ALK: variants seen among roughly 807,000 people sequenced by gnomAD.
ALK encodes the protein ALK receptor tyrosine kinase.
In ALK, 74 loss-of-function variants were observed where a neutral mutation model predicts 163.1. That is an observed-to-expected ratio of 0.45 (90% CI 0.38 to 0.55). The LOEUF (loss-of-function observed/expected upper bound fraction) is 0.55. Ranked by LOEUF, ALK falls within the 20% of genes least tolerant of loss-of-function variation. The pLI, the probability that ALK is intolerant of heterozygous loss-of-function variation, is 0.00. For missense variants in ALK, 2,063 were observed against 2,105.3 expected, an observed-to-expected ratio of 0.98 and a Z score of 0.39; for synonymous variants, 960 against 843.2, an observed-to-expected ratio of 1.14 and a Z score of -2.40.
chr2:29,418,569 T>C (rs1465239339), intron 4 of ALK, among the ~76,000 whole-genome samples: 1 of 152,198 alleles, frequency 6.6e-6, no homozygotes, highest in Non-Finnish European at 1.5e-5. Context: ...GGGTCTCCAA[T>C]GTCTATTATT....
At chr2:29,232,190 C>A in intron 15 of ALK, 114 bp downstream of exon 15, 1 of 1,430,624 alleles carries the variant, frequency 7.0e-7, no homozygotes, top group South Asian at 1.2e-5. Flanking sequence ...ATATTCAGAG[C>A]TCCTAGCATC....
At chr2:29,683,351 T>C (rs1678133444) in intron 3 of ALK, among the ~76,000 whole-genome samples, 1 of 151,932 alleles carries the variant, frequency 6.6e-6, no homozygotes, top group Non-Finnish European at 1.5e-5. Context: ...CACTCCAGCC[T>C]GGGCAACAGA....
chr2:29,744,592 G>A (rs763183148), intron 1 of ALK, among the ~76,000 whole-genome samples: 2 of 151,840 alleles, frequency 1.3e-5, no homozygotes, highest in Non-Finnish European at 2.9e-5. Context: ...GACTTTTCTG[G>A]GAAATTATTT....
intron 5 of ALK, among the ~76,000 whole-genome samples, chr2:29,332,290 A>AG: frequency 4.0e-5 from 4 of 100,874 alleles, no homozygotes; most frequent in Non-Finnish European, 5.8e-5. Flanking sequence ...CATCTCAAAA[A>AG]AAAAAAAAAA....
At chr2:29,468,551 G>C (rs1671267954) in intron 4 of ALK, among the ~76,000 whole-genome samples, 1 of 151,986 alleles carries the variant, frequency 6.6e-6, no homozygotes, top group African/African-American at 2.4e-5. Context: ...AAAGTTCATG[G>C]TTCAGAATGA....
intron 2 of ALK, among the ~76,000 whole-genome samples, chr2:29,701,613 G>A (rs951566207): frequency 2.6e-5 from 4 of 152,104 alleles, no homozygotes; most frequent in African/African-American, 9.7e-5. Flanking sequence ...CTTGTTCCTG[G>A]CAACGCATGC....
chr2:29,267,918 G>A lies in ALK; in HGVS notation c.2041+7181C>T, dbSNP rs1382629119. Among the ~76,000 whole-genome samples the A allele has an allele frequency of 2.6e-5, 4 of 152,288 alleles. No homozygotes were observed. In the East Asian group the frequency reaches 7.7e-4, roughly 29 times the overall value. ...CTTGCCCTGATGGAGGGGCCTTTGT[G>A]TTCTGTTAGTCTTCAAGCTAAATGA... On this transcript the variant is annotated intron_variant, in intron 11 of 28. Coordinates refer to ENST00000389048, the MANE Select transcript of ALK (RefSeq NM_004304.5).
chr2:29,221,664 C>G (rs1669807859), intron 22 of ALK, among the ~76,000 whole-genome samples: 1 of 152,210 alleles, frequency 6.6e-6, no homozygotes, highest in African/African-American at 2.4e-5. Context: ...CCATATCACT[C>G]ACACTGCCTG....
Position 29,318,292 on chromosome 2 carries a change from A to C in ALK, c.1647+12T>G, listed in dbSNP as rs367942010. The C allele has an allele frequency of 2.5e-6, 4 of 1,600,478 alleles. No homozygotes were observed. The African/African-American group carries it at 5.4e-5, about 21-fold the overall frequency. On this transcript the variant is annotated intron_variant, in intron 8 of 28. Transcript: ENST00000389048. ...GGAGAAATTAGAGAACTAGAGAAAC[A>C]AGGAGACTTGCCTCACATGGAGAGC...
chr2:29,443,964 CT>C (rs1204414785), intron 4 of ALK, among the ~76,000 whole-genome samples: 1 of 152,214 alleles, frequency 6.6e-6, no homozygotes, highest in East Asian at 1.9e-4. Flanking sequence ...TCTTTTCCTA[CT>C]GTTTCTACCA....
At chr2:29,847,881 G>A (rs754546201) in intron 1 of ALK, among the ~76,000 whole-genome samples, 15 of 151,936 alleles carry the variant, frequency 9.9e-5, no homozygotes, top group Admixed American at 7.9e-4. Context: ...GGAAGGAGAG[G>A]AGGATGAGGG....
At chr2:29,296,752 C>A in intron 9 of ALK, 136 bp downstream of exon 9, 1 of 967,126 alleles carries the variant, frequency 1.0e-6, no homozygotes. Context: ...CACGTGCGTG[C>A]ACGCGCACAT....
At position 29,241,853 on chromosome 2, in the gene ALK, G is replaced by A. The variant is rs182973615; in HGVS notation, c.2205-2023C>T. On this transcript the variant is annotated intron_variant, in intron 12 of 28. Transcript: ENST00000389048. Reference sequence around the variant, plus strand: ...GGAAACTGAGGCTCAGAGGGACTAAGTAACTCATCTGAGGCCACACAGCCA... The same window carrying A: ...GGAAACTGAGGCTCAGAGGGACTAAATAACTCATCTGAGGCCACACAGCCA... 1.9e-3 allele frequency among the ~76,000 whole-genome samples: 293 copies of A among 152,248 alleles called. 1 individual carries two copies. Among genetic ancestry groups the A allele is most frequent in the Non-Finnish European group, 3.6e-3 (245 of 68,024 alleles).
At chr2:29,406,863 C>A (rs1334630611) in intron 4 of ALK, among the ~76,000 whole-genome samples, 2 of 147,332 alleles carry the variant, frequency 1.4e-5, no homozygotes, top group Non-Finnish European at 3.0e-5. Context: ...CGCGCCACTG[C>A]ACTCCAGCCT....
intron 1 of ALK, among the ~76,000 whole-genome samples, chr2:29,871,772 G>A (rs1666583853): frequency 6.6e-6 from 1 of 152,220 alleles, no homozygotes; most frequent in East Asian, 1.9e-4. Flanking sequence ...AGTCCAGAGA[G>A]AGGAAGTGAC....
chr2:29,294,325 C>G (rs1416738250), intron 9 of ALK, among the ~76,000 whole-genome samples: 1 of 152,168 alleles, frequency 6.6e-6, no homozygotes, highest in Non-Finnish European at 1.5e-5. Flanking sequence ...GTCAACAGAG[C>G]ATTGTGAAAA....
intron 1 of ALK, among the ~76,000 whole-genome samples, chr2:29,868,093 C>T (rs111557967): frequency 3.3e-5 from 5 of 152,156 alleles, no homozygotes; most frequent in African/African-American, 4.8e-5. Flanking sequence ...AGGCTGGCCA[C>T]GAAAGAGGTA....
At chr2:29,509,251 G>A (rs1672441293) in intron 4 of ALK, among the ~76,000 whole-genome samples, 1 of 152,104 alleles carries the variant, frequency 6.6e-6, no homozygotes, top group Non-Finnish European at 1.5e-5. Context: ...ATTGATTTCG[G>A]CTTCATCTCT....
chr2:29,449,214 G>C (rs900501333), intron 4 of ALK, among the ~76,000 whole-genome samples: 2 of 152,164 alleles, frequency 1.3e-5, no homozygotes, highest in African/African-American at 4.8e-5. Context: ...AGATGGATAA[G>C]ATATGGAATG....
Sources: gnomAD v4.1 joint callset for allele counts (sites outside exome capture counted in the v4.1 genomes callset) on GRCh38, gnomAD v4.1.1 for gene constraint, MANE v1.5 for transcripts, NCBI Gene and HGNC (gene_info 2026-07-23, HGNC 2026-07-21) for gene names.